Variants in UNC13C observed in about 807,000 individuals in gnomAD.
UNC13C encodes protein unc-13 homolog C.
A neutral mutation model predicts 245.4 loss-of-function variants in UNC13C; 174 were observed. That is an observed-to-expected ratio of 0.71 (90% CI 0.63 to 0.80). The LOEUF is 0.80. Ranked by LOEUF, UNC13C falls within the 30% of genes least tolerant of loss-of-function variation. The probability of loss-of-function intolerance (pLI) is 0.00; values close to 1 mark genes in which losing one functional copy is unlikely to be tolerated. For missense variants in UNC13C, 2,829 were observed against 2,602.9 expected (o/e 1.09, Z -1.89); for synonymous variants, 992 against 895.1 (o/e 1.11, Z -1.93).
At chr15:54,329,157 C>T (rs924511329) in intron 14 of UNC13C, among the ~76,000 whole-genome samples, 9 of 141,328 alleles carry the variant, frequency 6.4e-5, no homozygotes, top group East Asian at 2.3e-4. Flanking sequence ...TAATTGGATA[C>T]GTAATAGTTG....
At chr15:54,098,668 T>G (rs1246222806) in intron 2 of UNC13C, among the ~76,000 whole-genome samples, 2 of 152,222 alleles carry the variant, frequency 1.3e-5, no homozygotes, top group South Asian at 2.1e-4. Context: ...CATAATAAAT[T>G]ACATTTTTCT....
At position 54,322,099 on chromosome 15, in the gene UNC13C, A is replaced by C. The variant is rs773754455; in HGVS notation, c.4425+4A>C. On this transcript the variant is annotated splice_donor_region_variant and intron_variant, in intron 14 of 32. Transcript: ENST00000260323. ...ATTTGCTGCTACCAACTTTGGTGTA[A>C]GTATAATTTTTTAAACTTTAAAATT... The C allele has an allele frequency of 6.5e-7, 1 of 1,548,768 alleles. No homozygotes were observed. The highest frequency in any genetic ancestry group is 2.4e-5 in the East Asian group (1 of 42,538).
chr15:53,924,013 C>A, the UNC13C span, among the ~76,000 whole-genome samples: 1 of 152,018 alleles, frequency 6.6e-6, no homozygotes, highest in Non-Finnish European at 1.5e-5. Flanking sequence ...TCGGGACCAG[C>A]CTAACATGGT....
intron 18 of UNC13C, among the ~76,000 whole-genome samples, chr15:54,395,690 G>C (rs1194251130): frequency 6.6e-6 from 1 of 151,772 alleles, no homozygotes; most frequent in Admixed American, 6.6e-5. Context: ...AGATCATTTA[G>C]TGAAGTTCTT....
At chr15:54,061,123 TAA>T (rs10589323) in intron 2 of UNC13C, among the ~76,000 whole-genome samples, 128,231 of 151,046 alleles carry the variant, frequency 0.85, 54,640 homozygotes, top group Middle Eastern at 0.91. Context: ...ATAATAATAA[TAA>T]AAAAAAAAGG....
chr15:54,447,827 G>C (rs1890911967), intron 19 of UNC13C, among the ~76,000 whole-genome samples: 1 of 152,120 alleles, frequency 6.6e-6, no homozygotes, highest in Admixed American at 6.6e-5. Context: ...TTTTGAATGT[G>C]TTTGCTCTTG....
At chr15:54,596,741 T>C (rs1372572203) in intron 30 of UNC13C, among the ~76,000 whole-genome samples, 1 of 152,174 alleles carries the variant, frequency 6.6e-6, no homozygotes, top group Non-Finnish European at 1.5e-5. Flanking sequence ...AAATGAGTGA[T>C]TTATTGCTCT....
rs537111932 is a variant in UNC13C, at chr15:54,302,050, C to A, written c.4268+1677C>A. On this transcript the variant is annotated intron_variant, in intron 13 of 32. Coordinates refer to ENST00000260323, the MANE Select transcript of UNC13C (RefSeq NM_001080534.3). The stretch of plus-strand genomic sequence containing the variant: ...TTCTCTAATGACCAGTGATGATGAG[C>A]TTTTTTTTCATATGTTTCTTGGCTG... 2.0e-5 allele frequency among the ~76,000 whole-genome samples: 3 copies of A among 152,026 alleles called. No homozygotes were observed. The South Asian group carries it at 6.2e-4, about 32-fold the overall frequency.
At position 54,451,366 on chromosome 15, in the gene UNC13C, A is replaced by C. The variant is rs115188919; in HGVS notation, c.4933+36299A>C. Among the ~76,000 whole-genome samples the C allele has an allele frequency of 9.1e-3, 1,385 of 152,222 alleles. 23 individuals carry two copies. Among genetic ancestry groups the C allele is most frequent in the African/African-American group, 0.032 (1,338 of 41,580 alleles). ...AGCTTTACCTAATATTTTGTTAAATAGGTTTTTTTTATTTTTTGTTCTCCT... is the reference window on the plus strand; with the variant it reads ...AGCTTTACCTAATATTTTGTTAAATCGGTTTTTTTTATTTTTTGTTCTCCT... On this transcript the variant is annotated intron_variant, in intron 19 of 32. Coordinates refer to ENST00000260323, the MANE Select transcript of UNC13C (RefSeq NM_001080534.3).
the UNC13C span, among the ~76,000 whole-genome samples, chr15:53,946,420 A>G: frequency 6.7e-6 from 1 of 149,708 alleles, no homozygotes; most frequent in South Asian, 2.1e-4. Context: ...TATTCCTCCA[A>G]TACCTAGTTT....
intron 30 of UNC13C, among the ~76,000 whole-genome samples, chr15:54,602,866 G>A (rs1899517258): frequency 1.1e-4 from 1 of 9,432 alleles, no homozygotes; most frequent in African/African-American, 4.7e-3. Context: ...TAAACGTGAT[G>A]TCTTTTAAAG....
chr15:54,168,808 T>C (rs1012503709), intron 4 of UNC13C, among the ~76,000 whole-genome samples: 1 of 152,186 alleles, frequency 6.6e-6, no homozygotes, highest in African/African-American at 2.4e-5. Flanking sequence ...TTATTACACA[T>C]GCATATGATA....
intron 30 of UNC13C, among the ~76,000 whole-genome samples, chr15:54,618,411 A>G (rs939439512): frequency 6.6e-6 from 1 of 152,200 alleles, no homozygotes; most frequent in Non-Finnish European, 1.5e-5. Flanking sequence ...GCAAGACTAT[A>G]TAACAGGCAA....
chr15:54,017,584 A>T (rs1895718276), intron 2 of UNC13C, among the ~76,000 whole-genome samples: 1 of 152,006 alleles, frequency 6.6e-6, no homozygotes. Context: ...AGTTGCTTGA[A>T]ATGTTAGGCA....
chr15:54,404,985 A>G (rs989287680), intron 18 of UNC13C, among the ~76,000 whole-genome samples: 3 of 152,146 alleles, frequency 2.0e-5, no homozygotes, highest in South Asian at 2.1e-4. Context: ...CATTCACTTT[A>G]TGTGATTATT....
At chr15:54,409,632 T>A (rs1596336933) in intron 18 of UNC13C, among the ~76,000 whole-genome samples, 1 of 152,162 alleles carries the variant, frequency 6.6e-6, no homozygotes, top group Admixed American at 6.5e-5. Flanking sequence ...CATCTGATAT[T>A]TAATTTGTGT....
chr15:54,485,266 A>C (rs1893346637), intron 19 of UNC13C, among the ~76,000 whole-genome samples: 1 of 152,208 alleles, frequency 6.6e-6, no homozygotes, highest in South Asian at 2.1e-4. Flanking sequence ...TCTTTCATCC[A>C]TTTATCTATT....
In UNC13C at chr15:54,605,491, C is replaced by T. The variant is rs139478320; in HGVS notation, c.6107-16836C>T. On this transcript the variant is annotated intron_variant, in intron 30 of 32. Coordinates refer to ENST00000260323, the MANE Select transcript of UNC13C (RefSeq NM_001080534.3). ...AGCCCCCATACTTGTAGGTCTTAAC[C>T]TTGGCTGCATATCAAAACTACCTAC... Among the ~76,000 whole-genome samples, 410 of 152,236 alleles carry T rather than the reference C, an allele frequency of 2.7e-3. 2 individuals carry two copies. The highest frequency in any genetic ancestry group is 9.1e-3 in the African/African-American group (380 of 41,534).
At chr15:54,204,341 G>A (rs961130766) in intron 4 of UNC13C, among the ~76,000 whole-genome samples, 1 of 141,800 alleles carries the variant, frequency 7.1e-6, no homozygotes, top group Non-Finnish European at 1.5e-5. Flanking sequence ...CCTCAATTCC[G>A]TTTTTACATA....
Sources: gnomAD v4.1 joint callset for allele counts (sites outside exome capture counted in the v4.1 genomes callset) on GRCh38, gnomAD v4.1.1 for gene constraint, MANE v1.5 for transcripts, NCBI Gene and HGNC (gene_info 2026-07-23, HGNC 2026-07-21) for gene names.